PTPRN2: variants seen among roughly 807,000 people sequenced by gnomAD.
PTPRN2 encodes the protein receptor-type tyrosine-protein phosphatase N2.
PTPRN2 carries 74 observed loss-of-function variants against 118.8 expected under a neutral mutation model. The observed-to-expected ratio is 0.62, with a 90% confidence interval of 0.52 to 0.76. PTPRN2 has a LOEUF of 0.76. Ranked by LOEUF, PTPRN2 falls within the 30% of genes least tolerant of loss-of-function variation. The pLI is 0.00. For missense variants in PTPRN2, 1,481 were observed against 1,394.4 expected (o/e 1.06, Z -0.99); for synonymous variants, 641 against 608.0 (o/e 1.05, Z -0.80).
intron 11 of PTPRN2, among the ~76,000 whole-genome samples, chr7:157,912,355 A>C (rs988246955): frequency 6.6e-6 from 1 of 152,046 alleles, no homozygotes; most frequent in South Asian, 2.1e-4. Context: ...CCATTTTTCT[A>C]CTGGGTTATT....
At chr7:158,262,919 ACACATT>A (rs1797592955) in intron 3 of PTPRN2, among the ~76,000 whole-genome samples, 1 of 140,972 alleles carries the variant, frequency 7.1e-6, no homozygotes, top group African/African-American at 3.1e-5. Flanking sequence ...CACACTGCAC[ACACATT>A]CACACACTGC....
At chr7:157,855,719 C>T (rs1809664403) in intron 12 of PTPRN2, among the ~76,000 whole-genome samples, 1 of 152,164 alleles carries the variant, frequency 6.6e-6, no homozygotes, top group South Asian at 2.1e-4. Context: ...GCCAGGAAAG[C>T]CACTGATTGG....
At chr7:157,657,179 T>C (rs1404155983) in intron 13 of PTPRN2, among the ~76,000 whole-genome samples, 25 of 60,308 alleles carry the variant, frequency 4.1e-4, no homozygotes, top group South Asian at 6.1e-4. Flanking sequence ...TACACACACA[T>C]ATGCCACACA....
intron 22 of PTPRN2, 121 bp downstream of exon 22, chr7:157,548,825 G>T: frequency 9.5e-7 from 1 of 1,049,040 alleles, no homozygotes; most frequent in Non-Finnish European, 1.5e-6. Context: ...AGGCCGGTCA[G>T]AGCAGAGCAA....
Position 158,298,966 on chromosome 7 carries a change from TGG to T in PTPRN2, c.277+17851_277+17852del, listed in dbSNP as rs1800683561. On this transcript the variant is annotated intron_variant, in intron 3 of 22. Transcript: ENST00000389418. ...CCCTGACAGCCACTGCCGATTGTCCTGGGAGGGGCCTTCAGGGAACCGCACAG... is the reference window on the plus strand; with the variant it reads ...CCCTGACAGCCACTGCCGATTGTCCTGAGGGGCCTTCAGGGAACCGCACAG... Among the ~76,000 whole-genome samples, 5 of 152,238 alleles carry T rather than the reference TGG, an allele frequency of 3.3e-5. No homozygotes were observed. In the South Asian group the frequency reaches 1.0e-3, roughly 32 times the overall value.
chr7:158,331,745 C>T (rs62480889), intron 2 of PTPRN2, among the ~76,000 whole-genome samples: 35,513 of 141,108 alleles, frequency 0.25, 5,529 homozygotes, highest in Middle Eastern at 0.33. Context: ...CACCTGCAGA[C>T]GTCACTCAAA....
chr7:158,550,149 G>A (rs921527881), intron 1 of PTPRN2, among the ~76,000 whole-genome samples: 13 of 152,332 alleles, frequency 8.5e-5, no homozygotes, highest in Admixed American at 4.6e-4. Flanking sequence ...CGCACCAGGC[G>A]TCGGGGTGGA....
In PTPRN2 at chr7:157,671,369, G is replaced by C. The variant is rs552302476; in HGVS notation, c.2001+11356C>G. On this transcript the variant is annotated intron_variant, in intron 13 of 22. Transcript: ENST00000389418. The surrounding 1 kb of genome is among the most constrained non-coding windows in gnomAD (Gnocchi z 4.1). ...GGAGGGATGGTGACGAGACGTCACC[G>C]CAGAGGCGGCAGAAGGGATAAAGGG... Among the ~76,000 whole-genome samples the C allele has an allele frequency of 6.6e-6, 1 of 152,166 alleles. No homozygotes were observed. The highest frequency in any genetic ancestry group is 1.5e-5 in the Non-Finnish European group (1 of 68,022).
rs115563191 is a variant in PTPRN2, at chr7:158,214,236, A to G, written c.278-8963T>C. Among the ~76,000 whole-genome samples the G allele has an allele frequency of 5.1e-3, 783 of 152,186 alleles. 5 individuals carry two copies. Among genetic ancestry groups the G allele is most frequent in the African/African-American group, 0.018 (733 of 41,506 alleles). ...ATACGTCTTCCCACTAAGTACAACT[A>G]AAATCTCTGAGCATACGTAAAACAA... On this transcript the variant is annotated intron_variant, in intron 3 of 22. Transcript: ENST00000389418.
chr7:158,189,840 G>A lies in PTPRN2; in HGVS notation c.549+2487C>T, dbSNP rs528075510. Among the ~76,000 whole-genome samples, 10 of 152,330 alleles carry A rather than the reference G, an allele frequency of 6.6e-5. No individual in the cohort carries two copies. The South Asian group carries it at 8.3e-4, about 13-fold the overall frequency. ...ACAGCCCTTCTGATAAAGACACAGC[G>A]GGGCAGAGGAGGAGGACAAAGCAAT... On this transcript the variant is annotated intron_variant, in intron 5 of 22. Coordinates refer to ENST00000389418, the MANE Select transcript of PTPRN2 (RefSeq NM_002847.5).
At chr7:157,820,052 CCA>C (rs745821826) in intron 12 of PTPRN2, among the ~76,000 whole-genome samples, 1 of 150,346 alleles carries the variant, frequency 6.7e-6, no homozygotes, top group Non-Finnish European at 1.5e-5. Flanking sequence ...ACATGCACCA[CCA>C]CACACATACA....
intron 5 of PTPRN2, among the ~76,000 whole-genome samples, chr7:158,187,349 A>G (rs1825255046): frequency 6.6e-6 from 1 of 152,240 alleles, no homozygotes; most frequent in South Asian, 2.1e-4. Flanking sequence ...TGATTTATAA[A>G]ATAATTCACA....
chr7:158,513,028 G>A (rs574454606), intron 1 of PTPRN2, among the ~76,000 whole-genome samples: 10 of 152,286 alleles, frequency 6.6e-5, no homozygotes, highest in South Asian at 6.2e-4. Flanking sequence ...AGCATGACGC[G>A]TCACTCACGA....
chr7:158,291,902 T>C (rs1800146731), intron 3 of PTPRN2, among the ~76,000 whole-genome samples: 1 of 152,182 alleles, frequency 6.6e-6, no homozygotes, highest in African/African-American at 2.4e-5. Context: ...AAAAGCCATT[T>C]CCAAAACAAG....
intron 2 of PTPRN2, among the ~76,000 whole-genome samples, chr7:158,424,998 A>T (rs1815592635): frequency 6.6e-6 from 1 of 152,204 alleles, no homozygotes; most frequent in Admixed American, 6.5e-5. Flanking sequence ...GGCATTCTGT[A>T]GTTATAACTA....
intron 11 of PTPRN2, among the ~76,000 whole-genome samples, chr7:158,055,520 G>A (rs1809719289): frequency 6.6e-6 from 1 of 152,210 alleles, no homozygotes; most frequent in Admixed American, 6.5e-5. Context: ...GTCTCCCTGT[G>A]ATGCTGTGCT....
At chr7:157,564,143 A>G (rs999308988) in intron 21 of PTPRN2, among the ~76,000 whole-genome samples, 3 of 151,902 alleles carry the variant, frequency 2.0e-5, no homozygotes, top group Non-Finnish European at 2.9e-5. Flanking sequence ...AAAAAAATAT[A>G]TTTTTGAGAT....
At chr7:158,199,896 G>A (rs1826499325) in intron 4 of PTPRN2, among the ~76,000 whole-genome samples, 1 of 152,070 alleles carries the variant, frequency 6.6e-6, no homozygotes, top group East Asian at 1.9e-4. Context: ...TCATGCAGCA[G>A]GAATCAGAAC....
At chr7:157,864,279 C>G (rs1253911227) in intron 12 of PTPRN2, 2 of 152,294 alleles carry the variant, frequency 1.3e-5, no homozygotes, top group African/African-American at 4.8e-5. Context: ...ATCCAGGGTC[C>G]AGCCCACCCG....
Sources: gnomAD v4.1 joint callset for allele counts (sites outside exome capture counted in the v4.1 genomes callset) on GRCh38, gnomAD v4.1.1 for gene constraint, Gnocchi (gnomAD v3.1) non-coding constraint, MANE v1.5 for transcripts, NCBI Gene and HGNC (gene_info 2026-07-23, HGNC 2026-07-21) for gene names.